The following HTRA1 variants were observed in gnomAD, a reference collection of about 807,000 sequenced individuals.
HTRA1 encodes HtrA serine peptidase 1.
A neutral mutation model predicts 49.7 loss-of-function variants in HTRA1; 26 were observed. The observed-to-expected ratio is 0.52, with a 90% CI of 0.38 to 0.73. HTRA1 has a LOEUF of 0.73. Ranked by LOEUF, HTRA1 falls within the 30% of genes least tolerant of loss-of-function variation. The pLI is 0.00. For missense variants in HTRA1, 561 were observed against 667.2 expected (o/e 0.84, Z 1.75); for synonymous variants, 291 against 286.9 (o/e 1.01, Z -0.14).
At chr10:122,504,442 T>C (rs1438197113) in intron 3 of HTRA1, among the ~76,000 whole-genome samples, 2 of 151,782 alleles carry the variant, frequency 1.3e-5, no homozygotes, top group East Asian at 3.9e-4. Context: ...TTCTGATGGG[T>C]TTTCAATGTG....
At chr10:122,472,615 G>A (rs928658760) in intron 1 of HTRA1, among the ~76,000 whole-genome samples, 4 of 152,140 alleles carry the variant, frequency 2.6e-5, no homozygotes, top group East Asian at 1.9e-4. Context: ...GACTGGTCTC[G>A]AACTCCTGGC....
At chr10:122,493,765 C>T (rs1235726941) in intron 3 of HTRA1, among the ~76,000 whole-genome samples, 1 of 152,178 alleles carries the variant, frequency 6.6e-6, no homozygotes, top group Non-Finnish European at 1.5e-5. Flanking sequence ...TGAGAGAGAT[C>T]TGAACTCCTT....
intron 1 of HTRA1, among the ~76,000 whole-genome samples, chr10:122,473,860 A>G (rs1042707899): frequency 6.6e-5 from 10 of 152,240 alleles, no homozygotes; most frequent in Admixed American, 5.9e-4. Flanking sequence ...GTCTCTTAGC[A>G]TAATGTTTTC....
intron 1 of HTRA1, among the ~76,000 whole-genome samples, chr10:122,467,268 A>G (rs562603142): frequency 1.3e-5 from 2 of 152,312 alleles, no homozygotes; most frequent in South Asian, 4.1e-4. Flanking sequence ...TTGGAAGGCC[A>G]ACTGGGGCGG....
At chr10:122,507,285 G>A (rs1047727279) in intron 4 of HTRA1, 85 bp from the exon 5 acceptor site, 19 of 1,083,674 alleles carry the variant, frequency 1.8e-5, no homozygotes, top group East Asian at 9.4e-5. Context: ...TCTAGGCACC[G>A]TGCTCAGGAA....
chr10:122,496,225 G>GTTTTGTTTTTT (rs1287521208), intron 3 of HTRA1, among the ~76,000 whole-genome samples: 3 of 80,384 alleles, frequency 3.7e-5, no homozygotes, highest in African/African-American at 1.5e-4. Flanking sequence ...GAGATTGTGG[G>GTTTTGTTTTTT]TTCTTTTTTT....
intron 3 of HTRA1, among the ~76,000 whole-genome samples, chr10:122,498,008 T>C (rs1393512541): frequency 6.6e-6 from 1 of 152,226 alleles, no homozygotes; most frequent in Non-Finnish European, 1.5e-5. Context: ...ATTTTGTGGT[T>C]TAAACACTGA....
At chr10:122,486,876 G>T (rs1033299592) in intron 1 of HTRA1, among the ~76,000 whole-genome samples, 1 of 152,018 alleles carries the variant, frequency 6.6e-6, no homozygotes, top group Non-Finnish European at 1.5e-5. Context: ...GACAGTTTGT[G>T]TGTAAATGTG....
intron 7 of HTRA1, 69 bp downstream of exon 7, chr10:122,510,222 G>A: frequency 7.6e-7 from 1 of 1,309,950 alleles, no homozygotes; most frequent in Non-Finnish European, 1.1e-6. Context: ...GTGCTCACGG[G>A]CACCCCTGAA....
rs201878826 is a variant in HTRA1, at chr10:122,489,452, G to A, written c.603G>A (p.Val201=). ...KLPFSKREVP[V]ASGSGFIVSE... ...CGTTTTCTAAACGAGAGGTGCCGGT[G>A]GCTAGTGGGTCTGGGTTTATTGTGT... Residue 201 remains valine, a synonymous_variant, in exon 3 of 9, where the codon GTG becomes GTA. Coordinates refer to ENST00000368984, the MANE Select transcript of HTRA1 (RefSeq NM_002775.5). 35 of 1,614,190 alleles carry A rather than the reference G, an allele frequency of 2.2e-5. No individual in the cohort carries two copies. The highest frequency in any genetic ancestry group is 5.0e-5 in the Admixed American group (3 of 60,026).
intron 1 of HTRA1, among the ~76,000 whole-genome samples, chr10:122,463,579 T>C (rs905051638): frequency 6.6e-6 from 1 of 152,202 alleles, no homozygotes; most frequent in African/African-American, 2.4e-5. Context: ...CATGGCTCAC[T>C]GCAGCCTCCG....
intron 1 of HTRA1, among the ~76,000 whole-genome samples, chr10:122,486,847 T>G (rs1175473588): frequency 6.6e-6 from 1 of 151,940 alleles, no homozygotes; most frequent in Non-Finnish European, 1.5e-5. Context: ...TGTGTGGAAG[T>G]GTGTATAGGT....
chr10:122,514,697 C>G lies in HTRA1; in HGVS notation c.*338C>G. ...TCCAACTAATGCAGTCGATACAATG[C>G]GTAGATAGAAGAAGCCCCACGGGAG... On this transcript the variant is annotated 3_prime_UTR_variant, in exon 9 of 9. Coordinates refer to ENST00000368984, the MANE Select transcript of HTRA1 (RefSeq NM_002775.5). 2.9e-6 allele frequency: 1 copy of G among 348,000 alleles called. No homozygotes were observed. The highest frequency in any genetic ancestry group is 5.6e-6 in the Non-Finnish European group (1 of 180,178). 21.6% of individuals were successfully genotyped at this position (348,000 alleles called of 1,614,324 possible).
rs183553707 is a variant in HTRA1, at chr10:122,494,149, G to A, written c.777+4523G>A. Among the ~76,000 whole-genome samples, 359 of 152,154 alleles carry A rather than the reference G, an allele frequency of 2.4e-3. 4 individuals are homozygous for A. The highest frequency in any genetic ancestry group is 7.8e-3 in the African/African-American group (324 of 41,516). On this transcript the variant is annotated intron_variant, in intron 3 of 8. Coordinates refer to ENST00000368984, the MANE Select transcript of HTRA1 (RefSeq NM_002775.5). This position sits in a 1 kb window ranked among gnomAD's most constrained non-coding sequence, Gnocchi z 4.0. ...TTCCACTCTTGGTTTTTCCCTCCTCGTCTATTTATCACAATTTAGAGTCGC... is the reference window on the plus strand; with the variant it reads ...TTCCACTCTTGGTTTTTCCCTCCTCATCTATTTATCACAATTTAGAGTCGC...
At chr10:122,493,221 C>A (rs2097496757) in intron 3 of HTRA1, among the ~76,000 whole-genome samples, 2 of 152,194 alleles carry the variant, frequency 1.3e-5, no homozygotes, top group South Asian at 4.1e-4. Flanking sequence ...AGAAGGTGTC[C>A]ACCTGCAGCC....
chr10:122,502,587 T>C (rs1185798882), intron 3 of HTRA1, among the ~76,000 whole-genome samples: 2 of 152,232 alleles, frequency 1.3e-5, no homozygotes, highest in Admixed American at 6.5e-5. Flanking sequence ...CTTCTGGCTC[T>C]GTTAAGAGGA....
In HTRA1 at chr10:122,477,475, C is replaced by T. The variant is rs540376295; in HGVS notation, c.473-11427C>T. Among the ~76,000 whole-genome samples the T allele has an allele frequency of 4.6e-5, 7 of 152,322 alleles. No homozygotes were observed. The South Asian group carries it at 1.2e-3, about 27-fold the overall frequency. ...TGGGGCCCCGAGGCTGGACCTCACT[C>T]CTGCTGGGTTGCTGGACTGGGAAAG... On this transcript the variant is annotated intron_variant, in intron 1 of 8. Coordinates refer to ENST00000368984, the MANE Select transcript of HTRA1 (RefSeq NM_002775.5).
In HTRA1 at chr10:122,489,509, C is replaced by T. The variant is rs1357930157; in HGVS notation, c.660C>T (p.His220=). The T allele has an allele frequency of 3.7e-6, 6 of 1,614,136 alleles. No individual in the cohort carries two copies. The highest frequency in any genetic ancestry group is 3.3e-5 in the South Asian group (3 of 91,082). ...SEDGLIVTNA[H]VVTNKHRVKV... Reference sequence around the variant, plus strand: ...ATGGACTGATCGTGACAAATGCCCACGTGGTGACCAACAAGCACCGGGTCA... The same window carrying T: ...ATGGACTGATCGTGACAAATGCCCATGTGGTGACCAACAAGCACCGGGTCA... The change falls in exon 3 of 9, where the codon CAC becomes CAT. Residue 220 remains histidine (H), a synonymous_variant. Transcript: ENST00000368984.
At chr10:122,469,391 C>T (rs967459864) in intron 1 of HTRA1, among the ~76,000 whole-genome samples, 3 of 152,156 alleles carry the variant, frequency 2.0e-5, no homozygotes, top group Non-Finnish European at 4.4e-5. Flanking sequence ...TTGATGGAGA[C>T]GGATGGACAC....
Sources: allele counts gnomAD v4.1 joint callset (sites outside exome capture counted in the v4.1 genomes callset), GRCh38; gene constraint gnomAD v4.1.1; non-coding constraint Gnocchi (gnomAD v3.1); transcripts MANE v1.5; gene names NCBI Gene and HGNC (gene_info 2026-07-23, HGNC 2026-07-21).